TMPRSS9: variants seen among roughly 807,000 people sequenced by gnomAD.
The protein encoded by TMPRSS9 is transmembrane protease serine 9.
Under a neutral mutation model 111.4 loss-of-function variants are expected in TMPRSS9, and 113 were observed. The observed-to-expected ratio is 1.01, with a 90% CI of 0.87 to 1.19. TMPRSS9 has a LOEUF of 1.19. TMPRSS9 is among the 50% of genes most tolerant of loss of function. The pLI, the probability that TMPRSS9 is intolerant of heterozygous loss-of-function variation, is 0.00. For synonymous variants in TMPRSS9, 805 were observed against 659.1 expected (o/e 1.22, Z -3.39); for missense variants, 1,803 against 1,513.1 (o/e 1.19, Z -3.18).
At chr19:2,372,954 C>G (rs1568466379) in intron 1 of TMPRSS9, among the ~76,000 whole-genome samples, 2 of 152,144 alleles carry the variant, frequency 1.3e-5, no homozygotes, top group Non-Finnish European at 2.9e-5. Context: ...GCCTCAGCCT[C>G]CAAAGTAGCT....
At chr19:2,386,029 CA>C (rs764875957), upstream of TMPRSS9, among the ~76,000 whole-genome samples, 38 of 152,196 alleles carry the variant, frequency 2.5e-4, no homozygotes, top group Non-Finnish European at 4.9e-4. Context: ...CTTGCAGCCT[CA>C]ACCTCCTGGT....
chr19:2,385,304 T>G (rs568965130), upstream of TMPRSS9, among the ~76,000 whole-genome samples: 1 of 152,118 alleles, frequency 6.6e-6, no homozygotes, highest in Non-Finnish European at 1.5e-5. Context: ...GGTGTCCTGT[T>G]ACATCCCTCA....
At chr19:2,425,725 G>C (rs1971606934) in intron 17 of TMPRSS9, 1 of 1,155,014 alleles carries the variant, frequency 8.7e-7, no homozygotes, top group Non-Finnish European at 1.2e-6. Flanking sequence ...AGAGGCTGCA[G>C]TGGGAGGCAC....
intron 1 of TMPRSS9, among the ~76,000 whole-genome samples, chr19:2,363,321 C>T (rs62120679): frequency 0.34 from 52,290 of 151,944 alleles, 9,430 homozygotes; most frequent in East Asian, 0.66. Context: ...ACTCTGTCCG[C>T]GGGGCGAGAG....
Position 2,424,073 on chromosome 19 carries a change from C to A in TMPRSS9, c.2549-16C>A. On this transcript the variant is annotated splice_polypyrimidine_tract_variant and intron_variant, in intron 14 of 17. Transcript: ENST00000648592. ...TGCCCTGGGTCCGCCTGCCCACGCG[C>A]CTGGCTCCCCCGCAGACTGTGGCCT... is the stretch of plus-strand genomic sequence containing the variant. 1 of 1,263,398 alleles carries A rather than the reference C, an allele frequency of 7.9e-7. No homozygotes were observed. The highest frequency in any genetic ancestry group is 1.0e-6 in the Non-Finnish European group (1 of 1,002,408). 78.3% of individuals were successfully genotyped at this position (1,263,398 alleles called of 1,614,324 possible).
At chr19:2,374,248 CTTTTTTTTTTTTTTTTTTTT>C (rs1027376774) in intron 1 of TMPRSS9, among the ~76,000 whole-genome samples, 1,089 of 70,460 alleles carry the variant, frequency 0.015, 19 homozygotes, top group Non-Finnish European at 0.023. Flanking sequence ...TCTCAACAAT[CTTTTTTTTTTTTTTTTTTTT>C]TTTTTTTTTT....
chr19:2,400,309 A>G (rs564867732), intron 4 of TMPRSS9, among the ~76,000 whole-genome samples: 7 of 152,324 alleles, frequency 4.6e-5, no homozygotes, highest in East Asian at 3.9e-4. Context: ...TGGGAGGCCA[A>G]GGTGGGCTGA....
At chr19:2,418,315 C>CCT (rs1971316557) in intron 13 of TMPRSS9, among the ~76,000 whole-genome samples, 177 bp downstream of exon 14, 2 of 36,650 alleles carry the variant, frequency 5.5e-5, no homozygotes, top group African/African-American at 3.1e-4. Context: ...CTTTCCCTCC[C>CCT]TCCCTCCCTC....
chr19:2,416,870 G>A (rs1971251500), intron 12 of TMPRSS9, 61 bp downstream of exon 13: 3 of 1,531,922 alleles, frequency 2.0e-6, no homozygotes, highest in Non-Finnish European at 2.6e-6. Context: ...GCCTGGGGAG[G>A]GTCAGGATGG....
At chr19:2,365,650 G>A (rs576918946) in intron 1 of TMPRSS9, among the ~76,000 whole-genome samples, 2 of 152,224 alleles carry the variant, frequency 1.3e-5, no homozygotes, top group South Asian at 4.1e-4. Flanking sequence ...ACACAGACAG[G>A]TGGGCAAGAC....
chr19:2,370,758 G>A lies in TMPRSS9; in HGVS notation c.-26+10398G>A, dbSNP rs189509838. On this transcript the variant is annotated intron_variant, in intron 1 of 17. Coordinates refer to the TMPRSS9 transcript ENST00000649857. ...CTCTGTCTCTCTTTATATATATATT[G>A]CCCAGACTGGACAACATTGCAAGAC... Among the ~76,000 whole-genome samples the A allele has an allele frequency of 2.1e-3, 319 of 151,838 alleles. 5 individuals carry two copies. Among genetic ancestry groups the A allele is most frequent in the Admixed American group, 0.017 (265 of 15,218 alleles).
At chr19:2,421,078 T>G (rs972351068) in intron 13 of TMPRSS9, among the ~76,000 whole-genome samples, 8 of 151,652 alleles carry the variant, frequency 5.3e-5, no homozygotes, top group South Asian at 2.1e-4. Context: ...TTGTGGCTTA[T>G]GCCTGTAGTT....
upstream of TMPRSS9, among the ~76,000 whole-genome samples, chr19:2,385,483 C>T (rs140497717): frequency 3.9e-5 from 6 of 152,228 alleles, no homozygotes; most frequent in Admixed American, 2.6e-4. Flanking sequence ...TTCTGGGACT[C>T]ATGCTTGTAA....
intron 9 of TMPRSS9, among the ~76,000 whole-genome samples, chr19:2,411,047 C>A (rs1298913607): frequency 6.6e-6 from 1 of 151,956 alleles, no homozygotes; most frequent in African/African-American, 2.4e-5. Flanking sequence ...CGCCTGTAAT[C>A]CCAGCACTAT....
exon 10 of TMPRSS9, chr19:2,413,782 G>A (rs777933998): frequency 1.2e-6 from 2 of 1,613,790 alleles, no homozygotes. Context: ...GGAATCGGGT[G>A]TGCGGAAGCC....
At position 2,399,707 on chromosome 19, in the gene TMPRSS9, CTCTTT is replaced by C. The variant is rs1201731679; in HGVS notation, c.514+522_514+526del. ...GTGTTGTGTTGTCTTGTCTTGTCTT[CTCTTT>C]TCTTTTCCATTTTTTTTATTTTTGA... On this transcript the variant is annotated intron_variant, in intron 4 of 17. Coordinates refer to ENST00000648592, the Ensembl canonical transcript of TMPRSS9. 4.6e-5 allele frequency among the ~76,000 whole-genome samples: 7 copies of C among 152,116 alleles called. No homozygotes were observed. In the East Asian group the frequency reaches 1.2e-3, roughly 25 times the overall value.
At chr19:2,381,102 A>G (rs926804105) in intron 1 of TMPRSS9, among the ~76,000 whole-genome samples, 1 of 151,954 alleles carries the variant, frequency 6.6e-6, no homozygotes, top group Non-Finnish European at 1.5e-5. Context: ...CTTGGATTGA[A>G]GCTCTCTGAG....
chr19:2,409,041 A>G (rs897560275), intron 8 of TMPRSS9, among the ~76,000 whole-genome samples: 1 of 134,324 alleles, frequency 7.4e-6, no homozygotes, highest in Non-Finnish European at 1.6e-5. Context: ...ATGATGATGC[A>G]GAAAAACACA....
intron 5 of TMPRSS9, 43 bp from the exon 7 acceptor site, chr19:2,403,039 G>C: frequency 6.7e-7 from 1 of 1,481,712 alleles, no homozygotes; most frequent in Non-Finnish European, 9.3e-7. Context: ...CCAACCAGGA[G>C]ATGTAGCATG....
Sources: allele counts gnomAD v4.1 joint callset (sites outside exome capture counted in the v4.1 genomes callset), GRCh38; gene constraint gnomAD v4.1.1; transcripts MANE v1.5; gene names NCBI Gene and HGNC (gene_info 2026-07-23, HGNC 2026-07-21).